KIAA1217: variants seen among roughly 807,000 people sequenced by gnomAD.
KIAA1217 encodes the protein KIAA1217, also known as sickle tail protein homolog.
A neutral mutation model predicts 163.9 loss-of-function variants in KIAA1217; 88 were observed. The observed-to-expected ratio is 0.54, with a 90% confidence interval of 0.45 to 0.64. The LOEUF is 0.64. Among genes scored for constraint, KIAA1217 ranks in the 30% least tolerant of loss-of-function variants. The probability of loss-of-function intolerance (pLI) is 0.00; values close to 1 mark genes in which losing one functional copy is unlikely to be tolerated. For synonymous variants in KIAA1217, 903 were observed against 923.1 expected (o/e 0.98, Z 0.39); for missense variants, 2,372 against 2,475.0 (o/e 0.96, Z 0.88).
intron 2 of KIAA1217, among the ~76,000 whole-genome samples, chr10:24,130,221 G>A (rs894341035): frequency 3.3e-5 from 5 of 152,080 alleles, no homozygotes; most frequent in African/African-American, 9.7e-5. Context: ...AGGCTGGAGC[G>A]CAATGGCGCA....
intron 12 of KIAA1217, among the ~76,000 whole-genome samples, chr10:24,522,586 C>G (rs184496214): frequency 4.5e-4 from 69 of 152,210 alleles, no homozygotes; most frequent in African/African-American, 1.6e-3. Context: ...ACCTGCTCAC[C>G]GAAGAGGTCA....
intron 2 of KIAA1217, among the ~76,000 whole-genome samples, chr10:24,339,144 C>A (rs1304155051): frequency 6.6e-6 from 1 of 152,152 alleles, no homozygotes; most frequent in Non-Finnish European, 1.5e-5. Flanking sequence ...AAAATGATCT[C>A]CCCCGTTCTC....
At chr10:23,957,655 G>A (rs1844628444) in intron 1 of KIAA1217, among the ~76,000 whole-genome samples, 1 of 152,146 alleles carries the variant, frequency 6.6e-6, no homozygotes. Flanking sequence ...CTGGGAGGTG[G>A]AGGTTGCAGT....
In KIAA1217 at chr10:23,704,172, G is replaced by GTGTA. The variant is rs1229370789; in HGVS notation, c.-321+8939_-321+8940insGTAT. ...TGTGTGTGTGTGTGTGTGTGTGTGT[G>GTGTA]TATATATATATATATATATATATAT... On this transcript the variant is annotated intron_variant, in intron 1 of 18. Coordinates refer to the KIAA1217 transcript ENST00000376462. Among the ~76,000 whole-genome samples, 46 of 39,948 alleles carry GTGTA rather than the reference G, an allele frequency of 1.2e-3. 2 individuals carry two copies. The highest frequency in any genetic ancestry group is 2.4e-3 in the African/African-American group (18 of 7,490). 26.2% of individuals were successfully genotyped at this position (39,948 alleles called of 152,430 possible). A position where few individuals can be genotyped will look rare whatever the true frequency, so the allele number is the denominator to read the frequency against.
At chr10:24,181,358 G>A (rs1383552284) in intron 2 of KIAA1217, among the ~76,000 whole-genome samples, 1 of 152,120 alleles carries the variant, frequency 6.6e-6, no homozygotes, top group African/African-American at 2.4e-5. Flanking sequence ...AAAGGCCAAA[G>A]GAATTACCTG....
chr10:24,503,177 C>G (rs1450544957), intron 9 of KIAA1217, among the ~76,000 whole-genome samples: 1 of 152,134 alleles, frequency 6.6e-6, no homozygotes, highest in East Asian at 1.9e-4. Flanking sequence ...CTCTGCCTAC[C>G]AGAAAACACA....
At chr10:24,203,767 A>G (rs2067397587) in intron 2 of KIAA1217, among the ~76,000 whole-genome samples, 1 of 152,214 alleles carries the variant, frequency 6.6e-6, no homozygotes, top group Non-Finnish European at 1.5e-5. Flanking sequence ...CTGGCCCTTC[A>G]GGAACTCTGG....
chr10:23,941,261 C>A (rs184228606), intron 1 of KIAA1217, among the ~76,000 whole-genome samples: 74 of 152,274 alleles, frequency 4.9e-4, no homozygotes, highest in Non-Finnish European at 9.3e-4. Context: ...GGGAAAACAT[C>A]ATTTTTATTA....
chr10:24,322,919 C>A (rs1244207573), intron 2 of KIAA1217, among the ~76,000 whole-genome samples: 3 of 152,134 alleles, frequency 2.0e-5, no homozygotes, highest in Admixed American at 6.5e-5. Flanking sequence ...ATGTAATTTA[C>A]AAGTGATCAT....
intron 1 of KIAA1217, among the ~76,000 whole-genome samples, chr10:23,728,318 C>T (rs1282841409): frequency 2.0e-5 from 3 of 152,168 alleles, no homozygotes; most frequent in East Asian, 3.9e-4. Context: ...ACATCCTCTC[C>T]AGCATCTGTT....
rs112767536 is a variant in KIAA1217 at position 23,935,813 on chromosome 10, A to C, written c.-320-71412A>C. On this transcript the variant is annotated intron_variant, in intron 1 of 18. Coordinates refer to the KIAA1217 transcript ENST00000376462. The stretch of plus-strand genomic sequence containing the variant: ...AATTAATTTTTCTTTTGGTGCTATG[A>C]GTTTCAAACATTTTTTAAAATCACT... Among the ~76,000 whole-genome samples the C allele has an allele frequency of 5.7e-3, 861 of 152,318 alleles. 12 individuals carry two copies. The highest frequency in any genetic ancestry group is 0.02 in the African/African-American group (817 of 41,564).
chr10:23,721,279 T>C (rs1837861661), intron 1 of KIAA1217, among the ~76,000 whole-genome samples: 1 of 152,186 alleles, frequency 6.6e-6, no homozygotes, highest in Non-Finnish European at 1.5e-5. Flanking sequence ...GAAGAGCAAC[T>C]GCTGGGCATA....
chr10:24,537,577 C>CAAA (rs72185665), intron 17 of KIAA1217, among the ~76,000 whole-genome samples: 1 of 119,154 alleles, frequency 8.4e-6, no homozygotes, highest in Non-Finnish European at 1.8e-5. Context: ...AACTCTGTCT[C>CAAA]AAAAAAAAAA....
chr10:23,728,646 C>A (rs1266909520), intron 1 of KIAA1217, among the ~76,000 whole-genome samples: 1 of 152,114 alleles, frequency 6.6e-6, no homozygotes, highest in East Asian at 1.9e-4. Context: ...TTTTGCTGTG[C>A]AGAAGCTTTT....
At chr10:24,177,298 T>TATATATATATATATATATATATA (rs58744670) in intron 2 of KIAA1217, among the ~76,000 whole-genome samples, 1 of 68,616 alleles carries the variant, frequency 1.5e-5, no homozygotes, top group Non-Finnish European at 3.1e-5. Flanking sequence ...TATATATATA[T>TATATATATATATATATATATATA]TACAATTTCT....
rs764849456 is a variant in KIAA1217 at position 24,524,519 on chromosome 10, C to T, written c.2653C>T (p.Arg885Cys). The change falls in exon 13 of 21, where the codon CGC (arginine) becomes TGC (cysteine). Residue 885 changes from arginine (R) to cysteine (C), a missense_variant. Arg to Cys is a radical substitution (Grantham distance 180). Around this residue, in one of 3 missense-constraint regions of KIAA1217, gnomAD observed 1,431 missense variants for 1,470.3 expected, o/e 0.97. Coordinates refer to ENST00000376454, the MANE Select transcript of KIAA1217 (RefSeq NM_019590.5). ...GGTGCCTTTGTCCGGCATGATGGTT[C>T]GCCACGCGCAGAGCTCCCCTGTGGT... ...EVVPLSGMMV[R>C]HAQSSPVVIQ... 31 of 1,613,986 alleles carry T rather than the reference C, an allele frequency of 1.9e-5. No homozygotes were observed. Among genetic ancestry groups the T allele is most frequent in the South Asian group, 1.1e-4 (10 of 91,084 alleles).
chr10:24,116,728 C>T (rs547817065), intron 2 of KIAA1217, among the ~76,000 whole-genome samples: 6 of 152,278 alleles, frequency 3.9e-5, no homozygotes, highest in African/African-American at 1.4e-4. Flanking sequence ...ATTTACACAT[C>T]TTCTTCCTAA....
chr10:24,293,659 T>G (rs1269861841), intron 2 of KIAA1217, among the ~76,000 whole-genome samples: 1 of 152,226 alleles, frequency 6.6e-6, no homozygotes, highest in African/African-American at 2.4e-5. Flanking sequence ...GGATGTCTTG[T>G]GTCTGTGCTT....
chr10:24,186,327 A>G (rs2066426727), intron 2 of KIAA1217, among the ~76,000 whole-genome samples: 1 of 152,166 alleles, frequency 6.6e-6, no homozygotes, highest in Non-Finnish European at 1.5e-5. Context: ...TGTTGTGAGT[A>G]AAATTCTTGA....
Sources: allele counts gnomAD v4.1 joint callset (sites outside exome capture counted in the v4.1 genomes callset), GRCh38; gene constraint gnomAD v4.1.1; regional missense constraint gnomAD v4.1.1; transcripts MANE v1.5; gene names NCBI Gene and HGNC (gene_info 2026-07-23, HGNC 2026-07-21).